Variants in EEF2K observed in about 807,000 individuals in gnomAD.
EEF2K encodes the protein eukaryotic elongation factor 2 kinase, also known as alternative protein EEF2K.
Under a neutral mutation model 93.8 loss-of-function variants are expected in EEF2K, and 70 were observed. The ratio of observed to expected loss-of-function variants is 0.75; its 90% CI spans 0.62 to 0.91. The LOEUF is 0.91. Ranked by LOEUF, EEF2K falls within the 40% of genes least tolerant of loss-of-function variation. The pLI, the probability that EEF2K is intolerant of heterozygous loss-of-function variation, is 0.00. For missense variants in EEF2K, 935 were observed against 972.9 expected (o/e 0.96, Z 0.52); for synonymous variants, 376 against 380.8 (o/e 0.99, Z 0.15).
At chr16:22,270,520 G>A (rs904220326) in intron 15 of EEF2K, among the ~76,000 whole-genome samples, 1 of 151,902 alleles carries the variant, frequency 6.6e-6, no homozygotes, top group East Asian at 1.9e-4. Flanking sequence ...CCAAAGTGCT[G>A]GATTACAGGT....
intron 2 of EEF2K, among the ~76,000 whole-genome samples, chr16:22,235,639 A>AG (rs1490915646): frequency 6.6e-6 from 1 of 152,156 alleles, no homozygotes; most frequent in Admixed American, 6.6e-5. Flanking sequence ...CTGGGATTAC[A>AG]GGCATGCACC....
At chr16:22,254,749 A>G (rs371723139) in intron 6 of EEF2K, among the ~76,000 whole-genome samples, 49 of 152,218 alleles carry the variant, frequency 3.2e-4, no homozygotes, top group African/African-American at 1.2e-3. Context: ...GTTGGTTTAT[A>G]TTTCTCTAGA....
chr16:22,230,560 C>T (rs1405820985), intron 2 of EEF2K, among the ~76,000 whole-genome samples: 2 of 152,024 alleles, frequency 1.3e-5, no homozygotes, highest in Non-Finnish European at 2.9e-5. Flanking sequence ...CTTACTCTGT[C>T]ACCCAGGCTG....
At chr16:22,269,762 C>G (rs553473027) in intron 15 of EEF2K, among the ~76,000 whole-genome samples, 1 of 152,072 alleles carries the variant, frequency 6.6e-6, no homozygotes, top group African/African-American at 2.4e-5. Flanking sequence ...TCTGCATGGA[C>G]GTGAATATTG....
At chr16:22,282,409 C>T (rs1380641947) in intron 17 of EEF2K, among the ~76,000 whole-genome samples, 5 of 152,110 alleles carry the variant, frequency 3.3e-5, no homozygotes, top group Admixed American at 6.5e-5. Flanking sequence ...GTGATTAGGG[C>T]CCTACCCTTA....
Position 22,266,415 on chromosome 16 carries a change from T to C in EEF2K, c.1466T>C (p.Leu489Pro), listed in dbSNP as rs1249314903. 1 of 1,614,088 alleles carries C rather than the reference T, an allele frequency of 6.2e-7. No homozygotes were observed. The highest frequency in any genetic ancestry group is 1.1e-5 in the South Asian group (1 of 91,082). The change falls in exon 14 of 18, where the codon CTC (leucine) becomes CCC (proline). Residue 489 changes from leucine (L) to proline (P), a missense_variant. Coordinates refer to ENST00000263026, the MANE Select transcript of EEF2K (RefSeq NM_013302.5). Reference protein sequence around the residue: ...GRVCVEKWNLLNSSRLHLPRA... With the variant: ...GRVCVEKWNLPNSSRLHLPRA... Reference sequence around the variant, plus strand: ...GTATGTGTAGAGAAGTGGAATCTCCTCAACTCCTCCCGCCTCCACCTGCCG... The same window carrying C: ...GTATGTGTAGAGAAGTGGAATCTCCCCAACTCCTCCCGCCTCCACCTGCCG...
intron 4 of EEF2K, among the ~76,000 whole-genome samples, chr16:22,250,060 G>A (rs1050683406): frequency 6.6e-6 from 1 of 151,792 alleles, no homozygotes; most frequent in Non-Finnish European, 1.5e-5. Context: ...GGGATTACAG[G>A]CATGAACCAC....
chr16:22,228,006 CTTTTTTTTTTTT>C (rs1051682997), intron 2 of EEF2K, among the ~76,000 whole-genome samples: 2 of 80,026 alleles, frequency 2.5e-5, no homozygotes, highest in African/African-American at 1.0e-4. Context: ...AAACCAAATT[CTTTTTTTTTTTT>C]TTTTTTTTTT....
intron 16 of EEF2K, among the ~76,000 whole-genome samples, chr16:22,278,488 G>A (rs2047661692): frequency 6.6e-6 from 1 of 152,170 alleles, no homozygotes; most frequent in South Asian, 2.1e-4. Flanking sequence ...CCACAGAGCA[G>A]GCAGGAGCAG....
At chr16:22,232,587 C>CT (rs2047127031) in intron 2 of EEF2K, among the ~76,000 whole-genome samples, 1 of 152,154 alleles carries the variant, frequency 6.6e-6, no homozygotes, top group African/African-American at 2.4e-5. Context: ...CCGTGGGGCT[C>CT]TTAGCAGACC....
At position 22,257,501 on chromosome 16, in the gene EEF2K, A is replaced by G. The variant is rs181852390; in HGVS notation, c.901+116A>G. 190 of 1,546,144 alleles carry G rather than the reference A, an allele frequency of 1.2e-4. No homozygotes were observed. In the African/African-American group the frequency reaches 1.7e-3, roughly 14 times the overall value. ...ACACTGTACGCGCTTTTTCAAGATCATGGAGATGGGAGCCTGGATGTCTGA... is the reference window on the plus strand; with the variant it reads ...ACACTGTACGCGCTTTTTCAAGATCGTGGAGATGGGAGCCTGGATGTCTGA... On this transcript the variant is annotated intron_variant, in intron 8 of 17. Transcript: ENST00000263026.
At chr16:22,235,142 A>T (rs1269000267) in intron 2 of EEF2K, among the ~76,000 whole-genome samples, 2 of 151,744 alleles carry the variant, frequency 1.3e-5, no homozygotes, top group Non-Finnish European at 2.9e-5. Context: ...TAAACCTGGG[A>T]GGCAGAGATT....
In EEF2K at chr16:22,250,728, GA is replaced by G. The variant is rs1315429334; in HGVS notation, c.446+38del. 1.9e-6 allele frequency: 3 copies of G among 1,613,758 alleles called. No homozygotes were observed. The African/African-American group carries it at 4.0e-5, about 22-fold the overall frequency. ...AGCCTGGCTCTTGGGGCCCTGCCCA[GA>G]GTCCCCCCAGGCTCCTAAGAGCTGA... On this transcript the variant is annotated intron_variant, in intron 5 of 17. Transcript: ENST00000263026.
At chr16:22,280,894 C>G (rs565395541) in intron 17 of EEF2K, among the ~76,000 whole-genome samples, 3 of 152,238 alleles carry the variant, frequency 2.0e-5, no homozygotes, top group African/African-American at 7.2e-5. Flanking sequence ...AACTCCTGAC[C>G]TCAAGTGATC....
intron 6 of EEF2K, among the ~76,000 whole-genome samples, chr16:22,255,801 T>A (rs1420820800): frequency 6.6e-6 from 1 of 152,016 alleles, no homozygotes; most frequent in African/African-American, 2.4e-5. Flanking sequence ...TCCTAGCTTC[T>A]CGGGAGGCTG....
intron 17 of EEF2K, 79 bp downstream of exon 17, chr16:22,280,455 A>G: frequency 1.5e-6 from 2 of 1,319,106 alleles, no homozygotes; most frequent in South Asian, 2.3e-5. Context: ...ACTGGGAGTT[A>G]TTTATGACAA....
chr16:22,266,902 G>T, intron 15 of EEF2K, 26 bp downstream of exon 15: 1 of 1,580,522 alleles, frequency 6.3e-7, no homozygotes, highest in Non-Finnish European at 8.6e-7. Context: ...GGACCCAGCT[G>T]CAGGTGGGGG....
chr16:22,249,657 G>A (rs2047329391), intron 4 of EEF2K, among the ~76,000 whole-genome samples: 1 of 152,002 alleles, frequency 6.6e-6, no homozygotes, highest in Non-Finnish European at 1.5e-5. Flanking sequence ...CCAGGCTGGG[G>A]TGTAGGGGTA....
rs748259123 is a variant in EEF2K at position 22,251,294 on chromosome 16, A to G, written c.590A>G (p.Glu197Gly). Reference sequence around the variant, plus strand: ...ATGGAGGCCAAGCTCTGGGGGGAGGAGTATAATCGGCACAAGCCCCCCAAG... The same window carrying G: ...ATGGAGGCCAAGCTCTGGGGGGAGGGGTATAATCGGCACAAGCCCCCCAAG... ...LQMEAKLWGEEYNRHKPPKQV... is the reference protein window; with the variant it reads ...LQMEAKLWGEGYNRHKPPKQV... Residue 197 changes from glutamate (E) to glycine (G), a missense_variant, in exon 6 of 18, where the codon GAG becomes GGG. Physicochemically the swap from Glu to Gly is moderately conservative, Grantham distance 98. Coordinates refer to ENST00000263026, the MANE Select transcript of EEF2K (RefSeq NM_013302.5). 1.1e-5 allele frequency: 17 copies of G among 1,613,896 alleles called. No homozygotes were observed. In the Admixed American group the frequency reaches 2.0e-4, roughly 19 times the overall value.
Sources: gnomAD v4.1 joint callset for allele counts (sites outside exome capture counted in the v4.1 genomes callset) on GRCh38, gnomAD v4.1.1 for gene constraint, MANE v1.5 for transcripts, NCBI Gene and HGNC (gene_info 2026-07-23, HGNC 2026-07-21) for gene names.